The following GRHL2 variants were observed in gnomAD, a reference collection of about 807,000 sequenced individuals.
The protein encoded by GRHL2 is grainyhead like transcription factor 2.
GRHL2 carries 21 observed loss-of-function variants against 83.8 expected under a neutral mutation model. The ratio of observed to expected loss-of-function variants is 0.25; its 90% confidence interval spans 0.18 to 0.36. GRHL2 has a LOEUF of 0.36. Ranked by LOEUF, GRHL2 falls within the 10% of genes least tolerant of loss-of-function variation. The pLI is 1.00. For missense variants in GRHL2, 623 were observed against 781.8 expected, an observed-to-expected ratio of 0.80 and a Z score of 2.42; for synonymous variants, 280 against 278.9, an observed-to-expected ratio of 1.00 and a Z score of -0.04.
chr8:101,587,759 ATACAAT>A (rs1812197602), intron 7 of GRHL2, among the ~76,000 whole-genome samples: 1 of 152,168 alleles, frequency 6.6e-6, no homozygotes, highest in South Asian at 2.1e-4. Context: ...AAACCTAGAG[ATACAAT>A]TAGATAGTTC....
intron 9 of GRHL2, 95 bp from the exon 10 acceptor site, chr8:101,631,542 T>C: frequency 1.0e-6 from 1 of 987,424 alleles, no homozygotes; most frequent in East Asian, 2.6e-5. Flanking sequence ...TCCTCCCCTG[T>C]ATTGTTTCAT....
chr8:101,647,716 G>A (rs540140498), intron 13 of GRHL2, among the ~76,000 whole-genome samples: 9 of 151,152 alleles, frequency 6.0e-5, no homozygotes, highest in South Asian at 2.1e-4. Flanking sequence ...GAAGAGACTC[G>A]GCAATACCTG....
chr8:101,594,090 AAAAAAAAAGAG>A lies in GRHL2; in HGVS notation c.1004-4965_1004-4955del, dbSNP rs1160406277. Among the ~76,000 whole-genome samples the A allele has an allele frequency of 2.7e-3, 370 of 139,420 alleles. 8 individuals are homozygous for A. The highest frequency in any genetic ancestry group is 9.8e-3 in the African/African-American group (348 of 35,396). 91.5% of individuals were successfully genotyped at this position (139,420 alleles called of 152,430 possible). ...GTATCAAAAAAAAAAAAAAAAAAAA[AAAAAAAAAGAG>A]AGAGATAGTGAAGGGGGAACAGATG... is the stretch of plus-strand genomic sequence containing the variant. On this transcript the variant is annotated intron_variant, in intron 7 of 15. Coordinates refer to ENST00000646743, the MANE Select transcript of GRHL2 (RefSeq NM_024915.4).
chr8:101,552,693 T>G (rs754799730), intron 2 of GRHL2, 22 bp from the exon 3 acceptor site: 49 of 1,613,124 alleles, frequency 3.0e-5, no homozygotes, highest in Non-Finnish European at 3.8e-5. Flanking sequence ...TATGTCTGAC[T>G]GATGGTTGGT....
At chr8:101,633,207 T>C (rs1009052760) in intron 11 of GRHL2, among the ~76,000 whole-genome samples, 4 of 152,210 alleles carry the variant, frequency 2.6e-5, no homozygotes, top group African/African-American at 4.8e-5. Flanking sequence ...TGTTATGTGA[T>C]AAACAAAAAA....
chr8:101,657,894 A>AAATC (rs1214399263), intron 14 of GRHL2, among the ~76,000 whole-genome samples: 2 of 152,100 alleles, frequency 1.3e-5, no homozygotes, highest in Non-Finnish European at 1.5e-5. Flanking sequence ...CAAGCACTCC[A>AAATC]AATCACCCTG....
rs1025355314 is a variant in GRHL2 at position 101,519,475 on chromosome 8, T to C, written c.21-23766T>C. ...GTCCAGTGGTGTGATCATAGCTCAC[T>C]GCAGCCTCAGACTCCTGGGTTTAAG... On this transcript the variant is annotated intron_variant, in intron 1 of 15. Transcript: ENST00000646743. Among the ~76,000 whole-genome samples, 4 of 152,144 alleles carry C rather than the reference T, an allele frequency of 2.6e-5. No homozygotes were observed. In the East Asian group the frequency reaches 7.7e-4, roughly 29 times the overall value.
At chr8:101,512,451 G>A (rs1465200082) in intron 1 of GRHL2, among the ~76,000 whole-genome samples, 2 of 152,018 alleles carry the variant, frequency 1.3e-5, no homozygotes, top group Admixed American at 6.6e-5. Flanking sequence ...ATTTTAAGAA[G>A]TATCTTTGCT....
intron 14 of GRHL2, among the ~76,000 whole-genome samples, chr8:101,652,125 G>T (rs566080453): frequency 6.6e-6 from 1 of 152,040 alleles, no homozygotes; most frequent in Non-Finnish European, 1.5e-5. Flanking sequence ...ATCTGGGTGG[G>T]GTAAGAAAGG....
Position 101,664,714 on chromosome 8 carries a change from C to T in GRHL2, c.1763+196C>T, listed in dbSNP as rs28469577. ...GAGAGGGAGGGAGGGAGGCAGTGCACTGGCACTATGTCAACTGAGATGCCT... is the reference window on the plus strand; with the variant it reads ...GAGAGGGAGGGAGGGAGGCAGTGCATTGGCACTATGTCAACTGAGATGCCT... On this transcript the variant is annotated intron_variant, in intron 15 of 15. Transcript: ENST00000646743. Among the ~76,000 whole-genome samples the T allele has an allele frequency of 0.14, 21,112 of 151,938 alleles. 1,535 individuals are homozygous for T. Among genetic ancestry groups the T allele is most frequent in the South Asian group, 0.25 (1,220 of 4,804 alleles).
intron 14 of GRHL2, among the ~76,000 whole-genome samples, chr8:101,663,478 G>A (rs2129763507): frequency 6.6e-6 from 1 of 152,054 alleles, no homozygotes; most frequent in East Asian, 1.9e-4. Context: ...CAGGTGTGGT[G>A]GCACTCACCT....
intron 1 of GRHL2, among the ~76,000 whole-genome samples, chr8:101,509,215 G>T (rs1216073669): frequency 6.4e-4 from 19 of 29,614 alleles, no homozygotes; most frequent in Non-Finnish European, 1.5e-3. Flanking sequence ...CTTCTTGTGT[G>T]TGTGTGTGTG....
chr8:101,538,050 T>C (rs955762012), intron 1 of GRHL2, among the ~76,000 whole-genome samples: 2 of 152,200 alleles, frequency 1.3e-5, no homozygotes, highest in Non-Finnish European at 2.9e-5. Flanking sequence ...CATCCACTAA[T>C]GGTTTAGAAC....
At chr8:101,588,464 A>G (rs1812212371) in intron 7 of GRHL2, among the ~76,000 whole-genome samples, 1 of 152,218 alleles carries the variant, frequency 6.6e-6, no homozygotes, top group South Asian at 2.1e-4. Context: ...GCAACAAACT[A>G]GAATAGTGCA....
At chr8:101,594,785 T>G (rs975706716) in intron 7 of GRHL2, among the ~76,000 whole-genome samples, 1 of 152,222 alleles carries the variant, frequency 6.6e-6, no homozygotes, top group African/African-American at 2.4e-5. Context: ...CTCAACAAAC[T>G]TATGGAGCAC....
In GRHL2 at chr8:101,659,371, C is replaced by CA. The variant is rs571283209; in HGVS notation, c.1699-5082dup. Among the ~76,000 whole-genome samples, 8 of 152,296 alleles carry CA rather than the reference C, an allele frequency of 5.3e-5. No individual in the cohort carries two copies. In the South Asian group the frequency reaches 1.5e-3, roughly 28 times the overall value. On this transcript the variant is annotated intron_variant, in intron 14 of 15. Coordinates refer to ENST00000646743, the MANE Select transcript of GRHL2 (RefSeq NM_024915.4). ...GATGAATGTTTTCCCCATCCAAGTT[C>CA]ATATATATACTGTTTGGGCATCTGT...
chr8:101,558,949 T>A (rs1811546784), intron 4 of GRHL2, 137 bp downstream of exon 4: 1 of 931,718 alleles, frequency 1.1e-6, no homozygotes, highest in Admixed American at 2.2e-5. Flanking sequence ...AAGATGTGTT[T>A]GTTGGTAGTC....
chr8:101,548,464 G>A (rs1407479973), intron 2 of GRHL2, among the ~76,000 whole-genome samples: 1 of 152,196 alleles, frequency 6.6e-6, no homozygotes, highest in Non-Finnish European at 1.5e-5. Context: ...ACAGAGTAGA[G>A]GATGATCTGT....
rs142021433 is a variant in GRHL2 at position 101,521,579 on chromosome 8, A to G, written c.21-21662A>G. 2.6e-3 allele frequency among the ~76,000 whole-genome samples: 403 copies of G among 152,224 alleles called. 2 individuals carry two copies. The highest frequency in any genetic ancestry group is 9.4e-3 in the African/African-American group (392 of 41,520). On this transcript the variant is annotated intron_variant, in intron 1 of 15. Transcript: ENST00000646743. ...GGCAGAGACTGGGTCTGTCTTTTTCATCGCTGTATCCCAGTACTCAAAGCA... is the reference window on the plus strand; with the variant it reads ...GGCAGAGACTGGGTCTGTCTTTTTCGTCGCTGTATCCCAGTACTCAAAGCA...
Sources: allele counts gnomAD v4.1 joint callset (sites outside exome capture counted in the v4.1 genomes callset), GRCh38; gene constraint gnomAD v4.1.1; transcripts MANE v1.5; gene names NCBI Gene and HGNC (gene_info 2026-07-23, HGNC 2026-07-21).